The following ZSCAN5A variants were observed in gnomAD, a reference collection of about 807,000 sequenced individuals.
ZSCAN5A encodes the protein zinc finger and SCAN domain-containing protein 5A.
A neutral mutation model predicts 23.7 loss-of-function variants in ZSCAN5A; 12 were observed. That is an observed-to-expected ratio of 0.51 (90% CI 0.32 to 0.82). The LOEUF is 0.82. Ranked by LOEUF, ZSCAN5A falls within the 40% of genes least tolerant of loss-of-function variation. The pLI is 0.03. For missense variants in ZSCAN5A, 597 were observed against 617.9 expected, an observed-to-expected ratio of 0.97 and a Z score of 0.36; for synonymous variants, 257 against 239.9, an observed-to-expected ratio of 1.07 and a Z score of -0.66.
intron 2 of ZSCAN5A, chr19:56,283,601 G>A (rs1387609203): frequency 6.6e-6 from 1 of 152,186 alleles, no homozygotes; most frequent in Non-Finnish European, 1.5e-5. Flanking sequence ...AACCCAGTGG[G>A]ATTCTTCAAT....
intron 2 of ZSCAN5A, among the ~76,000 whole-genome samples, chr19:56,276,247 A>T (rs1168671648): frequency 6.6e-6 from 1 of 152,216 alleles, no homozygotes; most frequent in Non-Finnish European, 1.5e-5. Flanking sequence ...TGGGGTCTGG[A>T]CATGACTCAG....
intron 2 of ZSCAN5A, among the ~76,000 whole-genome samples, chr19:56,355,837 G>A (rs1257298660): frequency 6.7e-6 from 1 of 148,494 alleles, no homozygotes; most frequent in East Asian, 1.9e-4. Context: ...ATGGGTCAAG[G>A]TTTGAATCAG....
rs149878527 is a variant in ZSCAN5A, at chr19:56,237,652, G to A, written c.-127-12479C>T. ...ATCGATTATGGGCCGGGGCGCGGTG[G>A]CTCATGCCTGTAATTCCATTAATTT... On this transcript the variant is annotated intron_variant, in intron 2 of 5. Coordinates refer to ENST00000683990, the MANE Select transcript of ZSCAN5A (RefSeq NM_001322064.3). Among the ~76,000 whole-genome samples the A allele has an allele frequency of 2.2e-3, 334 of 152,260 alleles. 2 individuals carry two copies. Among genetic ancestry groups the A allele is most frequent in the African/African-American group, 7.7e-3 (318 of 41,540 alleles).
intron 2 of ZSCAN5A, among the ~76,000 whole-genome samples, chr19:56,239,477 A>T (rs1432199252): frequency 6.6e-6 from 1 of 152,172 alleles, no homozygotes; most frequent in Non-Finnish European, 1.5e-5. Flanking sequence ...AGAACCAGGG[A>T]ACCCTGTAGG....
At chr19:56,367,772 G>A (rs2041780736) in intron 1 of ZSCAN5A, 1 of 152,192 alleles carries the variant, frequency 6.6e-6, no homozygotes, top group African/African-American at 2.4e-5. Context: ...ACACTCTACA[G>A]CTCAAGTGTC....
chr19:56,350,990 G>GT (rs2041664079), intron 2 of ZSCAN5A, among the ~76,000 whole-genome samples: 1 of 151,782 alleles, frequency 6.6e-6, no homozygotes, highest in Non-Finnish European at 1.5e-5. Flanking sequence ...CCCAATTGCT[G>GT]TCCCCCCCCA....
upstream of ZSCAN5A, among the ~76,000 whole-genome samples, chr19:56,318,912 T>G (rs900130194): frequency 1.3e-5 from 2 of 152,166 alleles, no homozygotes; most frequent in Admixed American, 6.5e-5. Flanking sequence ...AATCCAGCAT[T>G]ATCATTATTG....
At chr19:56,345,938 T>C (rs1268102907) in intron 2 of ZSCAN5A, among the ~76,000 whole-genome samples, 1 of 152,148 alleles carries the variant, frequency 6.6e-6, no homozygotes, top group Non-Finnish European at 1.5e-5. Context: ...GAGATGAACT[T>C]TTCTGTTTAC....
intron 4 of ZSCAN5A, 40 bp downstream of exon 4, chr19:56,223,591 C>T: frequency 6.2e-7 from 1 of 1,604,120 alleles, no homozygotes; most frequent in Non-Finnish European, 8.5e-7. Flanking sequence ...CCTGTTCCTT[C>T]TCCCACCTCT....
At chr19:56,363,844 C>T (rs1048642132) in intron 1 of ZSCAN5A, among the ~76,000 whole-genome samples, 3 of 152,128 alleles carry the variant, frequency 2.0e-5, no homozygotes. Flanking sequence ...AAATAAATGA[C>T]CTAAGGTTGG....
intron 2 of ZSCAN5A, chr19:56,338,254 C>T (rs1169120837): frequency 1.3e-5 from 2 of 152,164 alleles, no homozygotes; most frequent in African/African-American, 4.8e-5. Flanking sequence ...GCATTATAGT[C>T]CCTCCTCTTA....
At position 56,223,866 on chromosome 19, in the gene ZSCAN5A, C is replaced by T. The variant is rs7250393; in HGVS notation, c.385-32G>A. 10,107 of 1,580,452 alleles carry T rather than the reference C, an allele frequency of 6.4e-3. 386 individuals are homozygous for T. The African/African-American group carries it at 0.095, about 15-fold the overall frequency. On this transcript the variant is annotated intron_variant, in intron 3 of 5. Transcript: ENST00000683990. ...AGAGAAAAAAGACAATCAGACTCAC[C>T]ATGAGAACCTGAAAGTAGCTCTCAT...
intron 2 of ZSCAN5A, among the ~76,000 whole-genome samples, chr19:56,303,613 C>T (rs2040488980): frequency 6.6e-6 from 1 of 151,998 alleles, no homozygotes; most frequent in South Asian, 2.1e-4. Context: ...CAAATATTCA[C>T]GTGTGTAGAG....
intron 2 of ZSCAN5A, among the ~76,000 whole-genome samples, chr19:56,323,708 G>A (rs749290459): frequency 3.3e-5 from 5 of 151,262 alleles, no homozygotes; most frequent in Non-Finnish European, 7.4e-5. Flanking sequence ...TGCTAATTTT[G>A]TATTTTTAGT....
chr19:56,362,843 C>G (rs925357265), intron 2 of ZSCAN5A, among the ~76,000 whole-genome samples: 1 of 150,692 alleles, frequency 6.6e-6, no homozygotes. Flanking sequence ...TGCACTCCAG[C>G]CTGGGCGACA....
intron 2 of ZSCAN5A, chr19:56,322,347 G>T: frequency 1.3e-6 from 1 of 790,360 alleles, no homozygotes; most frequent in Non-Finnish European, 2.3e-6. Context: ...TCTGCCGCCA[G>T]ATCTGGCTTC....
intron 2 of ZSCAN5A, among the ~76,000 whole-genome samples, chr19:56,302,563 C>CTTTT (rs150005575): frequency 1.1e-5 from 1 of 92,870 alleles, no homozygotes; most frequent in East Asian, 3.6e-4. Context: ...CTCCCTCCCC[C>CTTTT]CTTCCTTTTC....
chr19:56,337,537 A>AG (rs1402327512), intron 2 of ZSCAN5A, among the ~76,000 whole-genome samples: 2 of 152,210 alleles, frequency 1.3e-5, no homozygotes, highest in Non-Finnish European at 2.9e-5. Flanking sequence ...TTCCCAGGTG[A>AG]GGCGATGCCT....
In ZSCAN5A at chr19:56,343,185, C is replaced by G; in HGVS notation, c.-358+20050G>C. 9.5e-6 allele frequency: 7 copies of G among 734,022 alleles called. No individual in the cohort carries two copies. The South Asian group carries it at 1.0e-4, about 11-fold the overall frequency. 45.5% of individuals were successfully genotyped at this position (734,022 alleles called of 1,614,324 possible). A position where few individuals can be genotyped will look rare whatever the true frequency, so the allele number is the denominator to read the frequency against. On this transcript the variant is annotated intron_variant, in intron 2 of 6. Coordinates refer to the ZSCAN5A transcript ENST00000587340. ...CTAATTGCTTTATTGAAACTAACTT[C>G]AGGTTTCTCCTCAGGAGAAGTTATA...
Sources: allele counts gnomAD v4.1 joint callset (sites outside exome capture counted in the v4.1 genomes callset), GRCh38; gene constraint gnomAD v4.1.1; transcripts MANE v1.5; gene names NCBI Gene and HGNC (gene_info 2026-07-23, HGNC 2026-07-21).